The following PTPRN2 variants were observed in gnomAD, a reference collection of about 807,000 sequenced individuals.
PTPRN2 encodes protein tyrosine phosphatase receptor type N2, also known as receptor-type tyrosine-protein phosphatase N2.
Under a neutral mutation model 118.8 loss-of-function variants are expected in PTPRN2, and 74 were observed. That is an observed-to-expected ratio of 0.62 (90% CI 0.52 to 0.76). The LOEUF is 0.76. Among genes scored for constraint, PTPRN2 ranks in the 30% least tolerant of loss-of-function variants. The pLI is 0.00. For synonymous variants in PTPRN2, 641 were observed against 608.0 expected (o/e 1.05, Z -0.80); for missense variants, 1,481 against 1,394.4 (o/e 1.06, Z -0.99).
In PTPRN2 at chr7:157,974,939, G is replaced by A. The variant is rs892047270; in HGVS notation, c.1724-76202C>T. Among the ~76,000 whole-genome samples the A allele has an allele frequency of 6.6e-6, 1 of 151,984 alleles. No homozygotes were observed. The highest frequency in any genetic ancestry group is 1.5e-5 in the Non-Finnish European group (1 of 67,962). ...GTCTGGGAGTGAGCAGAGGACCAGGGTATGGAACAAGCCCTAGTCAGAAAT... is the reference window on the plus strand; with the variant it reads ...GTCTGGGAGTGAGCAGAGGACCAGGATATGGAACAAGCCCTAGTCAGAAAT... On this transcript the variant is annotated intron_variant, in intron 11 of 22. Coordinates refer to ENST00000389418, the MANE Select transcript of PTPRN2 (RefSeq NM_002847.5). The surrounding 1 kb of genome is among the most constrained non-coding windows in gnomAD (Gnocchi z 4.0).
intron 3 of PTPRN2, among the ~76,000 whole-genome samples, chr7:158,224,389 A>C (rs963543482): frequency 2.0e-5 from 3 of 152,226 alleles, no homozygotes; most frequent in African/African-American, 7.2e-5. Flanking sequence ...GTACTGATGA[A>C]CAGATACAAA....
chr7:157,640,454 G>A (rs1213752081), intron 14 of PTPRN2, among the ~76,000 whole-genome samples: 1 of 152,184 alleles, frequency 6.6e-6, no homozygotes, highest in Admixed American at 6.5e-5. Flanking sequence ...TCCATTAGAG[G>A]GGAGAATGGA....
At chr7:157,769,817 C>A (rs765717650) in intron 12 of PTPRN2, among the ~76,000 whole-genome samples, 2 of 152,226 alleles carry the variant, frequency 1.3e-5, no homozygotes, top group Non-Finnish European at 2.9e-5. Context: ...CTATCCCAGG[C>A]GCTCCTCACC....
At chr7:158,130,407 C>T (rs1259255749) in intron 9 of PTPRN2, among the ~76,000 whole-genome samples, 2 of 150,872 alleles carry the variant, frequency 1.3e-5, no homozygotes, top group Admixed American at 1.3e-4. Flanking sequence ...ACCCAACACA[C>T]ACACTCATAC....
intron 12 of PTPRN2, among the ~76,000 whole-genome samples, chr7:157,811,951 G>A (rs767464471): frequency 4.6e-5 from 7 of 152,124 alleles, no homozygotes; most frequent in Non-Finnish European, 8.8e-5. Context: ...CGATGGGGTC[G>A]CTGTCTAAGT....
intron 15 of PTPRN2, among the ~76,000 whole-genome samples, chr7:157,608,357 T>G (rs1274943034): frequency 1.3e-5 from 2 of 152,140 alleles, no homozygotes; most frequent in African/African-American, 4.8e-5. Flanking sequence ...CATGAGCCAC[T>G]GTGCCTGGCC....
chr7:158,124,721 C>T lies in PTPRN2; in HGVS notation c.1556+8956G>A, dbSNP rs553911487. The stretch of plus-strand genomic sequence containing the variant: ...TTCTGCAGGAGCCCAGCTGCCGGGG[C>T]GGAGGGAGGGCCTGGTGGAGTGTCC... On this transcript the variant is annotated intron_variant, in intron 9 of 22. Coordinates refer to ENST00000389418, the MANE Select transcript of PTPRN2 (RefSeq NM_002847.5). 2.0e-4 allele frequency among the ~76,000 whole-genome samples: 31 copies of T among 152,108 alleles called. No individual in the cohort carries two copies. In the South Asian group the frequency reaches 2.3e-3, roughly 11 times the overall value.
chr7:157,601,636 G>A (rs994240200), intron 16 of PTPRN2, among the ~76,000 whole-genome samples: 1 of 152,230 alleles, frequency 6.6e-6, no homozygotes, highest in African/African-American at 2.4e-5. Flanking sequence ...TGGGATGAAA[G>A]CTGTCCACCG....
At chr7:157,959,462 T>C (rs1345057932) in intron 11 of PTPRN2, among the ~76,000 whole-genome samples, 1 of 152,258 alleles carries the variant, frequency 6.6e-6, no homozygotes, top group African/African-American at 2.4e-5. Flanking sequence ...ATTTGAAAAT[T>C]ACATATCTGA....
At chr7:158,240,894 A>G (rs1795869447) in intron 3 of PTPRN2, among the ~76,000 whole-genome samples, 1 of 152,272 alleles carries the variant, frequency 6.6e-6, no homozygotes, top group Non-Finnish European at 1.5e-5. Flanking sequence ...CTGTTTGTGG[A>G]CAGGAAGTGG....
chr7:157,725,645 G>A (rs1049948473), intron 12 of PTPRN2, among the ~76,000 whole-genome samples: 1 of 131,350 alleles, frequency 7.6e-6, no homozygotes, highest in Non-Finnish European at 1.6e-5. Context: ...CCTCCCAGGA[G>A]AACTGGATAT....
At chr7:158,082,510 G>A (rs142225529) in intron 10 of PTPRN2, among the ~76,000 whole-genome samples, 19 of 152,326 alleles carry the variant, frequency 1.2e-4, no homozygotes, top group Non-Finnish European at 2.4e-4. Flanking sequence ...GGACTGTCGT[G>A]CCATTACGAG....
At chr7:158,163,505 TTC>T (rs1428048294) in intron 6 of PTPRN2, among the ~76,000 whole-genome samples, 2 of 150,328 alleles carry the variant, frequency 1.3e-5, no homozygotes, top group Admixed American at 6.6e-5. Context: ...GGGTTCTCAA[TTC>T]TCTCTTCTTA....
intron 11 of PTPRN2, among the ~76,000 whole-genome samples, chr7:157,976,076 T>A (rs1417072685): frequency 1.3e-5 from 2 of 152,208 alleles, no homozygotes; most frequent in African/African-American, 4.8e-5. Context: ...CAAGTCCTTG[T>A]AGCACAAGGT....
intron 11 of PTPRN2, among the ~76,000 whole-genome samples, chr7:158,062,971 C>T (rs1233436328): frequency 1.3e-5 from 2 of 152,246 alleles, no homozygotes; most frequent in East Asian, 3.9e-4. Flanking sequence ...CGGTGCACGA[C>T]TGGCAGGCAG....
At chr7:157,791,180 CG>C (rs964668482) in intron 12 of PTPRN2, among the ~76,000 whole-genome samples, 2 of 152,142 alleles carry the variant, frequency 1.3e-5, no homozygotes. Context: ...CAAGCTCTCG[CG>C]GAGGGTATTT....
chr7:157,614,142 CA>C (rs1563263741), intron 15 of PTPRN2: 3 of 427,780 alleles, frequency 7.0e-6, no homozygotes, highest in South Asian at 3.5e-5. Flanking sequence ...AGGGGGAAGA[CA>C]GGGGAGGAAG....
At chr7:157,773,351 A>G (rs1287252993) in intron 12 of PTPRN2, among the ~76,000 whole-genome samples, 1 of 152,140 alleles carries the variant, frequency 6.6e-6, no homozygotes, top group Non-Finnish European at 1.5e-5. Flanking sequence ...AACAGGAGAG[A>G]GGCGGCTCCC....
intron 1 of PTPRN2, among the ~76,000 whole-genome samples, chr7:158,516,238 G>T (rs1282299709): frequency 1.3e-5 from 2 of 152,180 alleles, no homozygotes; most frequent in African/African-American, 4.8e-5. Flanking sequence ...CCAGGGCTTT[G>T]GAAGGCTGAG....
Sources: allele counts gnomAD v4.1 joint callset (sites outside exome capture counted in the v4.1 genomes callset), GRCh38; gene constraint gnomAD v4.1.1; non-coding constraint Gnocchi (gnomAD v3.1); transcripts MANE v1.5; gene names NCBI Gene and HGNC (gene_info 2026-07-23, HGNC 2026-07-21).